Variants in MICU2 observed in about 807,000 individuals in gnomAD.
The protein encoded by MICU2 is calcium uptake protein 2, mitochondrial.
In MICU2, 64 loss-of-function variants were observed where a neutral mutation model predicts 60.4. The ratio of observed to expected loss-of-function variants is 1.06; its 90% CI spans 0.87 to 1.31. The LOEUF is 1.31. Ranked by LOEUF, MICU2 falls within the 50% of genes most tolerant of loss-of-function variation. MICU2 has a pLI of 0.00. For synonymous variants in MICU2, 201 were observed against 175.0 expected (o/e 1.15, Z -1.17); for missense variants, 569 against 531.0 (o/e 1.07, Z -0.70).
At chr13:21,544,950 C>A (rs1169019122) in intron 2 of MICU2, among the ~76,000 whole-genome samples, 4 of 152,108 alleles carry the variant, frequency 2.6e-5, no homozygotes, top group Non-Finnish European at 5.9e-5. Flanking sequence ...CTGCACCGGC[C>A]AGGAAAGGAA....
At chr13:21,542,225 T>C (rs1356414499) in intron 2 of MICU2, among the ~76,000 whole-genome samples, 1 of 152,192 alleles carries the variant, frequency 6.6e-6, no homozygotes, top group Non-Finnish European at 1.5e-5. Flanking sequence ...ATACTACTTG[T>C]TCATGGCTGA....
At chr13:21,512,919 T>A (rs940524488) in intron 7 of MICU2, among the ~76,000 whole-genome samples, 9 of 152,182 alleles carry the variant, frequency 5.9e-5, no homozygotes, top group African/African-American at 2.2e-4. Flanking sequence ...AGTCCGACTT[T>A]ATTCTTTTAC....
chr13:21,574,478 A>G (rs1458026692), intron 1 of MICU2, among the ~76,000 whole-genome samples: 1 of 152,232 alleles, frequency 6.6e-6, no homozygotes. Context: ...TTGAAAGCTG[A>G]TGACTTCTGT....
rs992751709 is a variant in MICU2 at position 21,555,031 on chromosome 13, T to A, written c.358+11766A>T. On this transcript the variant is annotated intron_variant, in intron 2 of 11. Coordinates refer to ENST00000382374, the MANE Select transcript of MICU2 (RefSeq NM_152726.3). ...TCTGAAATTGAGGCAATAATTAATA[T>A]CTTACCAACCAAAAAAAGTCCAGGA... is the stretch of plus-strand genomic sequence containing the variant. 7.9e-5 allele frequency among the ~76,000 whole-genome samples: 12 copies of A among 151,838 alleles called. No individual in the cohort carries two copies. The South Asian group carries it at 2.1e-3, about 26-fold the overall frequency.
intron 2 of MICU2, among the ~76,000 whole-genome samples, chr13:21,563,763 C>G (rs1191671444): frequency 6.6e-6 from 1 of 150,688 alleles, no homozygotes; most frequent in African/African-American, 2.4e-5. Flanking sequence ...TTCAAGCTCA[C>G]TGATTCTTTT....
At chr13:21,513,668 A>C (rs938338069) in intron 7 of MICU2, among the ~76,000 whole-genome samples, 1 of 120,550 alleles carries the variant, frequency 8.3e-6, no homozygotes, top group African/African-American at 3.1e-5. Flanking sequence ...TGAACTGGGG[A>C]GGTGGAGGTT....
At chr13:21,507,994 T>TG (rs1886332634) in intron 8 of MICU2, among the ~76,000 whole-genome samples, 1 of 152,104 alleles carries the variant, frequency 6.6e-6, no homozygotes, top group Admixed American at 6.6e-5. Context: ...AGGAGGCACT[T>TG]GGATTTTCAT....
Position 21,496,120 on chromosome 13 carries a change from G to T in MICU2, c.974C>A (p.Thr325Lys), listed in dbSNP as rs1842533296. The T allele has an allele frequency of 1.9e-6, 3 of 1,614,044 alleles. No individual in the cohort carries two copies. The highest frequency in any genetic ancestry group is 2.5e-6 in the Non-Finnish European group (3 of 1,179,962). Residue 325 changes from threonine to lysine, a missense_variant, in exon 10 of 12, where the codon ACA becomes AAA. Coordinates refer to ENST00000382374, the MANE Select transcript of MICU2 (RefSeq NM_152726.3). ...LDEFKSFCHF[T>K]THLEDFAIAM... ...AATAGCAAAGTCTTCCAAGTGGGTT[G>T]TAAAATGGCAAAATGACTTGAATTC...
In MICU2 at chr13:21,510,019, T is replaced by C; in HGVS notation, c.746A>G (p.Tyr249Cys). ...TTGCATTTACCTTCGAAATTCTTTA[T>C]AATGAAGTTTTCTTTGTCCTCTTTT... is the stretch of plus-strand genomic sequence containing the variant. ...FGKRGQRKLH[Y>C]KEFRRFMENL... The change falls in exon 8 of 12, where the codon TAT (tyrosine) becomes TGT (cysteine). Residue 249 changes from tyrosine (Y) to cysteine (C), a missense_variant. Tyr to Cys is a radical substitution (Grantham distance 194). Coordinates refer to ENST00000382374, the MANE Select transcript of MICU2 (RefSeq NM_152726.3). 6.5e-7 allele frequency: 1 copy of C among 1,536,266 alleles called. No homozygotes were observed. The highest frequency in any genetic ancestry group is 2.2e-5 in the Admixed American group (1 of 45,090).
intron 3 of MICU2, 85 bp from the exon 4 acceptor site, chr13:21,539,462 C>A: frequency 7.2e-7 from 1 of 1,384,076 alleles, no homozygotes; most frequent in Non-Finnish European, 1.0e-6. Flanking sequence ...CCATAGCCGG[C>A]TAATTTCTTT....
chr13:21,549,142 G>C (rs1214653628), intron 2 of MICU2, among the ~76,000 whole-genome samples: 1 of 151,908 alleles, frequency 6.6e-6, no homozygotes, highest in East Asian at 1.9e-4. Context: ...TGTTAGCCAG[G>C]ATGGTCTTGA....
Position 21,521,201 on chromosome 13 carries a change from C to T in MICU2, c.597+44G>A. Reference sequence around the variant, plus strand: ...AAATGTAAAATTATCACACAAACATCCAGGTATTTTATGATAAACCTAAAA... The same window carrying T: ...AAATGTAAAATTATCACACAAACATTCAGGTATTTTATGATAAACCTAAAA... On this transcript the variant is annotated intron_variant, in intron 6 of 11. Coordinates refer to ENST00000382374, the MANE Select transcript of MICU2 (RefSeq NM_152726.3). The T allele has an allele frequency of 1.5e-6, 2 of 1,376,232 alleles. 1 individual carries two copies. Among genetic ancestry groups the T allele is most frequent in the Admixed American group, 4.1e-5 (2 of 49,118 alleles). 85.3% of individuals were successfully genotyped at this position (1,376,232 alleles called of 1,614,324 possible).
chr13:21,550,675 C>T (rs553238521), intron 2 of MICU2, among the ~76,000 whole-genome samples: 225 of 152,264 alleles, frequency 1.5e-3, no homozygotes, highest in African/African-American at 5.2e-3. Context: ...TTGAAGAATT[C>T]AATTATAATA....
chr13:21,525,154 C>T (rs534581871), intron 4 of MICU2, among the ~76,000 whole-genome samples: 124 of 147,412 alleles, frequency 8.4e-4, no homozygotes, highest in Non-Finnish European at 1.5e-3. Context: ...AGAACTGCTG[C>T]ATCATACAGT....
intron 1 of MICU2, among the ~76,000 whole-genome samples, chr13:21,592,554 A>G (rs1422308209): frequency 6.6e-6 from 1 of 152,220 alleles, no homozygotes; most frequent in Non-Finnish European, 1.5e-5. Flanking sequence ...AAAAGACACA[A>G]CAAAAAAAGA....
rs367696790 is a variant in MICU2 at position 21,593,003 on chromosome 13, G to A, written c.210+10936C>T. Among the ~76,000 whole-genome samples the A allele has an allele frequency of 2.6e-5, 4 of 152,196 alleles. No individual in the cohort carries two copies. The East Asian group carries it at 5.8e-4, about 22-fold the overall frequency. On this transcript the variant is annotated intron_variant, in intron 1 of 11. Transcript: ENST00000382374. Reference sequence around the variant, plus strand: ...ACCACTCGTATTCAACAGAGTACTGGAAGTTCTGGCCAGGGCAATCAGGCA... The same window carrying A: ...ACCACTCGTATTCAACAGAGTACTGAAAGTTCTGGCCAGGGCAATCAGGCA...
intron 1 of MICU2, among the ~76,000 whole-genome samples, chr13:21,589,144 G>A (rs1391690010): frequency 6.6e-6 from 1 of 152,174 alleles, no homozygotes; most frequent in Non-Finnish European, 1.5e-5. Flanking sequence ...CCTAATGGAA[G>A]TATAACAAAG....
intron 1 of MICU2, among the ~76,000 whole-genome samples, chr13:21,597,120 T>A (rs987604828): frequency 1.3e-5 from 2 of 151,574 alleles, no homozygotes; most frequent in African/African-American, 2.4e-5. Context: ...TTAAAAATGC[T>A]ATCTTATATG....
intron 1 of MICU2, among the ~76,000 whole-genome samples, chr13:21,573,203 T>C (rs1209031873): frequency 2.0e-5 from 3 of 152,240 alleles, no homozygotes; most frequent in African/African-American, 2.4e-5. Flanking sequence ...TGTCAAATAC[T>C]GTTACATGTC....
Sources: allele counts gnomAD v4.1 joint callset (sites outside exome capture counted in the v4.1 genomes callset), GRCh38; gene constraint gnomAD v4.1.1; transcripts MANE v1.5; gene names NCBI Gene and HGNC (gene_info 2026-07-23, HGNC 2026-07-21).